The following MARCHF1 variants were observed in gnomAD, a reference collection of about 807,000 sequenced individuals.
MARCHF1 encodes the protein membrane associated ring-CH-type finger 1.
In MARCHF1, 40 loss-of-function variants were observed where a neutral mutation model predicts 54.2. That is an observed-to-expected ratio of 0.74 (90% CI 0.57 to 0.96). MARCHF1 has a LOEUF of 0.96. Among genes scored for constraint, MARCHF1 ranks in the 40% least tolerant of loss-of-function variants. The probability of loss-of-function intolerance (pLI) is 0.00; values close to 1 mark genes in which losing one functional copy is unlikely to be tolerated. For synonymous variants in MARCHF1, 236 were observed against 236.3 expected (o/e 1.00, Z 0.01); for missense variants, 586 against 656.5 (o/e 0.89, Z 1.17).
chr4:163,650,133 G>A (rs17473710), intron 5 of MARCHF1, among the ~76,000 whole-genome samples: 30,366 of 151,756 alleles, frequency 0.2, 3,466 homozygotes, highest in Non-Finnish European at 0.27. Flanking sequence ...ATAAACACAC[G>A]TATTTTTTGA....
chr4:164,212,352 T>G (rs1241281544), intron 1 of MARCHF1, among the ~76,000 whole-genome samples: 1 of 152,156 alleles, frequency 6.6e-6, no homozygotes, highest in Admixed American at 6.5e-5. Flanking sequence ...TATGCAATCA[T>G]CCAGCCAGTA....
intron 1 of MARCHF1, among the ~76,000 whole-genome samples, chr4:164,155,681 G>A (rs1461706496): frequency 6.6e-6 from 1 of 151,970 alleles, no homozygotes; most frequent in Non-Finnish European, 1.5e-5. Flanking sequence ...CTTGGTGGGG[G>A]GAAGGGATGA....
At chr4:164,220,179 CAT>C (rs1279153956) in intron 1 of MARCHF1, among the ~76,000 whole-genome samples, 1 of 150,532 alleles carries the variant, frequency 6.6e-6, no homozygotes, top group Non-Finnish European at 1.5e-5. Context: ...GTGAGATTTA[CAT>C]ATATATATTT....
chr4:164,167,379 A>T (rs1730409535), intron 1 of MARCHF1, among the ~76,000 whole-genome samples: 1 of 151,868 alleles, frequency 6.6e-6, no homozygotes, highest in Non-Finnish European at 1.5e-5. Context: ...CAGAATTAAC[A>T]CAATTCCTAT....
At chr4:164,166,934 A>T (rs1429264095) in intron 1 of MARCHF1, among the ~76,000 whole-genome samples, 1 of 150,716 alleles carries the variant, frequency 6.6e-6, no homozygotes, top group Non-Finnish European at 1.5e-5. Flanking sequence ...CAAAAATGTG[A>T]AAGATTTATA....
At chr4:163,553,587 G>A (rs1173330734) in intron 8 of MARCHF1, among the ~76,000 whole-genome samples, 1 of 152,098 alleles carries the variant, frequency 6.6e-6, no homozygotes, top group Non-Finnish European at 1.5e-5. Flanking sequence ...GCACAATGAT[G>A]GCTTCATTTC....
chr4:164,143,430 G>A lies in MARCHF1; in HGVS notation c.-322-31768C>T, dbSNP rs551926647. Reference sequence around the variant, plus strand: ...TTAAGGGCAGCCAGAGAGAAAGGTCGGGTTACCCTCAAAGGGAAGCCCATC... The same window carrying A: ...TTAAGGGCAGCCAGAGAGAAAGGTCAGGTTACCCTCAAAGGGAAGCCCATC... On this transcript the variant is annotated intron_variant, in intron 1 of 9. Coordinates refer to ENST00000514618, the MANE Select transcript of MARCHF1 (RefSeq NM_001394959.1). Among the ~76,000 whole-genome samples the A allele has an allele frequency of 3.6e-3, 540 of 149,914 alleles. 5 individuals carry two copies. Among genetic ancestry groups the A allele is most frequent in the African/African-American group, 0.013 (510 of 40,622 alleles).
At chr4:164,362,487 A>AG (rs1358213137) in intron 1 of MARCHF1, among the ~76,000 whole-genome samples, 2 of 152,138 alleles carry the variant, frequency 1.3e-5, no homozygotes, top group African/African-American at 4.8e-5. Context: ...TGCCTCCACC[A>AG]GGGGCCTTGT....
chr4:164,051,784 C>T (rs1292794714), intron 2 of MARCHF1, among the ~76,000 whole-genome samples: 1 of 152,188 alleles, frequency 6.6e-6, no homozygotes, highest in African/African-American at 2.4e-5. Flanking sequence ...GAAGACAATG[C>T]ACTGGCACTA....
chr4:164,328,108 T>A (rs1445612194), intron 1 of MARCHF1, among the ~76,000 whole-genome samples: 3 of 151,860 alleles, frequency 2.0e-5, no homozygotes, highest in South Asian at 2.1e-4. Flanking sequence ...GGATCTTGAA[T>A]TTTTTTTTAC....
chr4:164,057,045 G>A (rs2111058293), intron 2 of MARCHF1, among the ~76,000 whole-genome samples: 1 of 152,240 alleles, frequency 6.6e-6, no homozygotes, highest in South Asian at 2.1e-4. Flanking sequence ...ATAATGCTAA[G>A]GGAATGTAAC....
At chr4:163,962,183 T>C (rs1399938008) in intron 3 of MARCHF1, among the ~76,000 whole-genome samples, 1 of 151,966 alleles carries the variant, frequency 6.6e-6, no homozygotes, top group Non-Finnish European at 1.5e-5. Context: ...CTTGGGAGAT[T>C]TTCCATTGGA....
At chr4:164,100,892 T>C (rs1048759026) in intron 2 of MARCHF1, among the ~76,000 whole-genome samples, 1 of 152,088 alleles carries the variant, frequency 6.6e-6, no homozygotes. Context: ...TGGGCGCAGG[T>C]CAGTGGGTGC....
At chr4:164,153,408 A>G (rs1729996426) in intron 1 of MARCHF1, among the ~76,000 whole-genome samples, 2 of 152,174 alleles carry the variant, frequency 1.3e-5, no homozygotes, top group Admixed American at 1.3e-4. Flanking sequence ...TAACCATTGA[A>G]ATAAAATCAA....
chr4:163,824,712 A>C (rs1372208627), intron 4 of MARCHF1, among the ~76,000 whole-genome samples: 4 of 85,586 alleles, frequency 4.7e-5, no homozygotes, highest in Middle Eastern at 4.2e-3. Flanking sequence ...CAACCTACAA[A>C]ATGGGAGAAA....
chr4:163,719,745 T>A (rs539810626), intron 4 of MARCHF1, among the ~76,000 whole-genome samples: 1 of 152,104 alleles, frequency 6.6e-6, no homozygotes, highest in African/African-American at 2.4e-5. Context: ...AGATGGTATC[T>A]CATTGTGGTT....
At chr4:163,755,565 C>CAGAAGCCTGGGAATACAGA (rs1746640649) in intron 4 of MARCHF1, among the ~76,000 whole-genome samples, 1 of 151,452 alleles carries the variant, frequency 6.6e-6, no homozygotes, top group South Asian at 2.1e-4. Context: ...ATGACACTAA[C>CAGAAGCCTGGGAATACAGA]ATTTTGGACA....
At chr4:163,772,522 T>C (rs1747190273) in intron 4 of MARCHF1, among the ~76,000 whole-genome samples, 1 of 152,102 alleles carries the variant, frequency 6.6e-6, no homozygotes, top group African/African-American at 2.4e-5. Flanking sequence ...CAGAATTCAG[T>C]TCCTTGTGGT....
chr4:164,179,833 A>T (rs2111009422), intron 1 of MARCHF1, among the ~76,000 whole-genome samples: 1 of 151,824 alleles, frequency 6.6e-6, no homozygotes, highest in South Asian at 2.1e-4. Flanking sequence ...CAGTAATAAT[A>T]AGCAAGTCAG....
Sources: gnomAD v4.1 joint callset for allele counts (sites outside exome capture counted in the v4.1 genomes callset) on GRCh38, gnomAD v4.1.1 for gene constraint, MANE v1.5 for transcripts, NCBI Gene and HGNC (gene_info 2026-07-23, HGNC 2026-07-21) for gene names.